The following NEBL variants were observed in gnomAD, a reference collection of about 807,000 sequenced individuals.
NEBL encodes nebulette, also known as LIM and SH3 protein 2.
A neutral mutation model predicts 140.2 loss-of-function variants in NEBL; 122 were observed. The ratio of observed to expected loss-of-function variants is 0.87; its 90% CI spans 0.75 to 1.01. The LOEUF (loss-of-function observed/expected upper bound fraction) is 1.01, where lower values mean the gene tolerates loss of function less well. NEBL is among the 50% of genes least tolerant of loss of function. The probability of loss-of-function intolerance (pLI) is 0.00; values close to 1 mark genes in which losing one functional copy is unlikely to be tolerated. For missense variants in NEBL, 1,365 were observed against 1,231.3 expected (o/e 1.11, Z -1.62); for synonymous variants, 436 against 398.9 (o/e 1.09, Z -1.11).
intron 3 of NEBL, among the ~76,000 whole-genome samples, chr10:20,988,998 TAC>T (rs1589112936): frequency 6.6e-6 from 1 of 152,238 alleles, no homozygotes; most frequent in East Asian, 1.9e-4. Flanking sequence ...CATTGAAATT[TAC>T]ACAGTTCTTA....
chr10:21,100,222 A>T (rs1047799479), intron 2 of NEBL, among the ~76,000 whole-genome samples: 9 of 152,096 alleles, frequency 5.9e-5, no homozygotes, highest in African/African-American at 1.7e-4. Flanking sequence ...GCATTTACTA[A>T]GCGTGTGTGG....
chr10:21,078,099 C>A (rs1239603842), intron 2 of NEBL, among the ~76,000 whole-genome samples: 2 of 152,090 alleles, frequency 1.3e-5, no homozygotes, highest in East Asian at 3.8e-4. Flanking sequence ...GATGGAAATG[C>A]ATTCTATGGG....
chr10:20,814,617 T>TACACACACACACACACACACACAC, intron 22 of NEBL, among the ~76,000 whole-genome samples: 1 of 146,522 alleles, frequency 6.8e-6, no homozygotes, highest in African/African-American at 2.5e-5. Flanking sequence ...CATACACACA[T>TACACACACACACACACACACACAC]ACACACACAC....
At chr10:21,207,468 T>G (rs534345531) in intron 3 of NEBL, among the ~76,000 whole-genome samples, 3 of 152,268 alleles carry the variant, frequency 2.0e-5, no homozygotes, top group African/African-American at 7.2e-5. Flanking sequence ...TTGTCCCCTT[T>G]CCAACATCCT....
intron 3 of NEBL, among the ~76,000 whole-genome samples, chr10:21,223,496 T>C (rs1234602229): frequency 2.6e-5 from 4 of 152,238 alleles, no homozygotes; most frequent in Non-Finnish European, 5.9e-5. Flanking sequence ...TTACAAATAG[T>C]GCTGCAATAA....
intron 2 of NEBL, among the ~76,000 whole-genome samples, chr10:21,038,819 C>T (rs1292843898): frequency 3.9e-5 from 6 of 152,304 alleles, no homozygotes; most frequent in Non-Finnish European, 8.8e-5. Context: ...CTAATTTACA[C>T]TCCCACCAAC....
intron 3 of NEBL, among the ~76,000 whole-genome samples, chr10:20,977,319 C>T (rs567954269): frequency 6.6e-6 from 1 of 152,168 alleles, no homozygotes; most frequent in South Asian, 2.1e-4. Context: ...AGTGGCAGGT[C>T]GTCTTCGTTC....
At chr10:21,045,609 T>G (rs1395236336) in intron 2 of NEBL, among the ~76,000 whole-genome samples, 1 of 152,116 alleles carries the variant, frequency 6.6e-6, no homozygotes, top group African/African-American at 2.4e-5. Flanking sequence ...CCAACAGGTG[T>G]GTGAAAAATG....
chr10:20,805,780 G>C (rs1837556631), intron 26 of NEBL, among the ~76,000 whole-genome samples: 1 of 152,042 alleles, frequency 6.6e-6, no homozygotes, highest in Admixed American at 6.6e-5. Context: ...TTGAACCTGG[G>C]AGGCAGAGGT....
At chr10:21,289,883 G>A (rs984152859) in intron 1 of NEBL, among the ~76,000 whole-genome samples, 4 of 152,242 alleles carry the variant, frequency 2.6e-5, no homozygotes, top group African/African-American at 4.8e-5. Context: ...CCTGTTGTCT[G>A]TGGCTGCTTC....
At chr10:21,197,171 T>C (rs1841666296) in intron 3 of NEBL, among the ~76,000 whole-genome samples, 1 of 152,238 alleles carries the variant, frequency 6.6e-6, no homozygotes. Context: ...TCTCTAGCCA[T>C]GGCACTGAGC....
intron 2 of NEBL, among the ~76,000 whole-genome samples, chr10:21,135,798 T>C (rs1345674746): frequency 5.3e-5 from 8 of 152,148 alleles, no homozygotes; most frequent in Non-Finnish European, 1.0e-4. Flanking sequence ...AAGGTCCTAT[T>C]TTCAGTGGTC....
Position 21,073,238 on chromosome 10 carries a change from G to A in NEBL, c.165-53037C>T, listed in dbSNP as rs113465582. 7.7e-4 allele frequency among the ~76,000 whole-genome samples: 117 copies of A among 152,008 alleles called. 1 individual carries two copies. Among genetic ancestry groups the A allele is most frequent in the African/African-American group, 2.7e-3 (112 of 41,470 alleles). ...TTTAGGAGGCTGAAGCAGGGGGATCGGTTGAGCCCAGGAGTTTGAGGCTAC... is the reference window on the plus strand; with the variant it reads ...TTTAGGAGGCTGAAGCAGGGGGATCAGTTGAGCCCAGGAGTTTGAGGCTAC... On this transcript the variant is annotated intron_variant, in intron 2 of 6. Transcript: ENST00000417816.
At chr10:20,835,984 CTG>C (rs1291357510) in intron 13 of NEBL, among the ~76,000 whole-genome samples, 5 of 152,192 alleles carry the variant, frequency 3.3e-5, no homozygotes, top group African/African-American at 9.7e-5. Flanking sequence ...CTGTATGACA[CTG>C]AGAATTCTTA....
intron 3 of NEBL, among the ~76,000 whole-genome samples, chr10:21,242,948 G>A (rs1842459937): frequency 1.3e-5 from 2 of 152,154 alleles, no homozygotes; most frequent in East Asian, 1.9e-4. Flanking sequence ...CCCTGCCTTG[G>A]GAAATCAGGC....
chr10:21,013,825 C>A (rs1838449093), intron 3 of NEBL, among the ~76,000 whole-genome samples: 1 of 152,304 alleles, frequency 6.6e-6, no homozygotes, highest in East Asian at 1.9e-4. Flanking sequence ...TTGCAGTGAA[C>A]TGAGATCGTG....
rs562483131 is a variant in NEBL at position 20,816,187 on chromosome 10, C to T, written c.2149-470G>A. On this transcript the variant is annotated intron_variant, in intron 21 of 27. Coordinates refer to ENST00000377122, the MANE Select transcript of NEBL (RefSeq NM_006393.3). ...CTTAAATCAATCTATTTCATTTCATCCCATAAGAGAGTACATGTGTCCAAA... is the reference window on the plus strand; with the variant it reads ...CTTAAATCAATCTATTTCATTTCATTCCATAAGAGAGTACATGTGTCCAAA... Among the ~76,000 whole-genome samples the T allele has an allele frequency of 5.3e-4, 81 of 152,246 alleles. 1 individual carries two copies. Among genetic ancestry groups the T allele is most frequent in the Non-Finnish European group, 1.0e-3 (68 of 68,014 alleles).
At chr10:21,013,602 G>A (rs1053256183) in intron 3 of NEBL, among the ~76,000 whole-genome samples, 7 of 152,222 alleles carry the variant, frequency 4.6e-5, no homozygotes, top group African/African-American at 1.7e-4. Context: ...AGAGGGCCAG[G>A]CGCAGTGGCT....
intron 4 of NEBL, among the ~76,000 whole-genome samples, chr10:20,928,762 T>C (rs553169875): frequency 7.2e-5 from 11 of 152,332 alleles, no homozygotes; most frequent in Non-Finnish European, 1.6e-4. Context: ...CTCTCTTGTA[T>C]CACCGGTTTC....
Sources: gnomAD v4.1 joint callset for allele counts (sites outside exome capture counted in the v4.1 genomes callset) on GRCh38, gnomAD v4.1.1 for gene constraint, MANE v1.5 for transcripts, NCBI Gene and HGNC (gene_info 2026-07-23, HGNC 2026-07-21) for gene names.